COL24A1: variants seen among roughly 807,000 people sequenced by gnomAD.
COL24A1 encodes collagen alpha-1(XXIV) chain.
Under a neutral mutation model 253.9 loss-of-function variants are expected in COL24A1, and 224 were observed. The ratio of observed to expected loss-of-function variants is 0.88; its 90% CI spans 0.79 to 0.99. COL24A1 has a LOEUF of 0.99. Among genes scored for constraint, COL24A1 ranks in the 50% least tolerant of loss-of-function variants. The pLI is 0.00. For synonymous variants in COL24A1, 685 were observed against 673.7 expected (o/e 1.02, Z -0.26); for missense variants, 2,131 against 2,068.5 (o/e 1.03, Z -0.59).
chr1:85,966,377 T>A (rs573833728), intron 22 of COL24A1, among the ~76,000 whole-genome samples: 1 of 152,238 alleles, frequency 6.6e-6, no homozygotes, highest in East Asian at 1.9e-4. Context: ...AAGTCCAGAA[T>A]TTAACTGGAT....
chr1:85,842,020 G>T, intron 41 of COL24A1, 48 bp downstream of exon 41: 2 of 1,510,204 alleles, frequency 1.3e-6, no homozygotes, highest in South Asian at 2.3e-5. Context: ...AATAATTCAT[G>T]AACTCAATGT....
At position 86,156,490 on chromosome 1, in the gene COL24A1, A is replaced by G. The variant is rs1653641203; in HGVS notation, c.-94T>C. The G allele has an allele frequency of 2.6e-6, 3 of 1,141,634 alleles. No individual in the cohort carries two copies. In the African/African-American group the frequency reaches 4.8e-5, roughly 18 times the overall value. 70.7% of individuals were successfully genotyped at this position (1,141,634 alleles called of 1,614,324 possible). A position where few individuals can be genotyped will look rare whatever the true frequency, so the allele number is the denominator to read the frequency against. On this transcript the variant is annotated 5_prime_UTR_variant, in exon 1 of 60. Coordinates refer to ENST00000370571, the MANE Select transcript of COL24A1 (RefSeq NM_152890.7). The stretch of plus-strand genomic sequence containing the variant: ...GCAGGTACTGTCCATGAAAAAGGGA[A>G]AAAACAATCACATGAAAACCATGCT...
chr1:85,841,097 C>A, intron 42 of COL24A1, 125 bp downstream of exon 42: 1 of 664,966 alleles, frequency 1.5e-6, no homozygotes, highest in Non-Finnish European at 2.5e-6. Flanking sequence ...TATCACCCTC[C>A]TATCAAACCA....
At chr1:85,832,674 T>C (rs1030563766) in intron 43 of COL24A1, among the ~76,000 whole-genome samples, 1 of 151,272 alleles carries the variant, frequency 6.6e-6, no homozygotes, top group Admixed American at 6.6e-5. Flanking sequence ...AGGTATTTTA[T>C]TCTCTTTGAA....
rs183687254 is a variant in COL24A1, at chr1:85,908,838, T to A, written c.2671-187A>T. 6.7e-3 allele frequency among the ~76,000 whole-genome samples: 1,011 copies of A among 151,616 alleles called. 15 individuals are homozygous for A. Among genetic ancestry groups the A allele is most frequent in the African/African-American group, 0.023 (950 of 41,458 alleles). ...GATAGACCATAGAAATAAAAAAAAA[T>A]TTTCTGTAGTTTTATTTACATAGAA... On this transcript the variant is annotated intron_variant, in intron 26 of 59. Transcript: ENST00000370571.
At chr1:85,739,610 A>T (rs771436015) in intron 57 of COL24A1, among the ~76,000 whole-genome samples, 70 of 152,198 alleles carry the variant, frequency 4.6e-4, no homozygotes, top group Non-Finnish European at 7.3e-4. Flanking sequence ...ATCATTCATT[A>T]GTTCCTCCTG....
At chr1:86,083,797 T>G (rs769740645) in intron 7 of COL24A1, among the ~76,000 whole-genome samples, 8 of 152,194 alleles carry the variant, frequency 5.3e-5, no homozygotes, top group Non-Finnish European at 8.8e-5. Flanking sequence ...ACATTTTCAT[T>G]CATTCACTCA....
intron 7 of COL24A1, among the ~76,000 whole-genome samples, chr1:86,066,540 T>A (rs1237063846): frequency 6.6e-6 from 1 of 151,546 alleles, no homozygotes. Flanking sequence ...CACTGCGCCC[T>A]GCTAAAATAT....
intron 45 of COL24A1, among the ~76,000 whole-genome samples, chr1:85,818,800 A>G (rs1673303005): frequency 6.6e-6 from 1 of 152,216 alleles, no homozygotes; most frequent in African/African-American, 2.4e-5. Flanking sequence ...AAGAAAAGGA[A>G]TCATGTTGTC....
At chr1:85,831,684 G>A (rs1054466903) in intron 43 of COL24A1, among the ~76,000 whole-genome samples, 4 of 152,184 alleles carry the variant, frequency 2.6e-5, no homozygotes, top group East Asian at 1.9e-4. Context: ...GATTTTATAA[G>A]GGAAGTGATA....
intron 10 of COL24A1, among the ~76,000 whole-genome samples, chr1:86,052,996 G>T (rs910644435): frequency 4.5e-4 from 69 of 151,898 alleles, no homozygotes; most frequent in Admixed American, 4.5e-3. Context: ...GGGAGAGAGA[G>T]AATTTGTTCC....
At position 85,940,170 on chromosome 1, in the gene COL24A1, C is replaced by G. The variant is rs1325131485; in HGVS notation, c.2562+21079G>C. Among the ~76,000 whole-genome samples, 2 of 16,580 alleles carry G rather than the reference C, an allele frequency of 1.2e-4. 1 individual carries two copies. Among genetic ancestry groups the G allele is most frequent in the East Asian group, 9.3e-3 (2 of 216 alleles). 10.9% of individuals were successfully genotyped at this position (16,580 alleles called of 152,430 possible). A position where few individuals can be genotyped will look rare whatever the true frequency, so the allele number is the denominator to read the frequency against. On this transcript the variant is annotated intron_variant, in intron 24 of 59. Transcript: ENST00000370571. Reference sequence around the variant, plus strand: ...CTGTAATCCCAGCACTTTGGGAGGCCGAGGCGGGCGGATCACGAGGTCAGG... The same window carrying G: ...CTGTAATCCCAGCACTTTGGGAGGCGGAGGCGGGCGGATCACGAGGTCAGG...
At chr1:86,128,354 T>C (rs548109692) in intron 2 of COL24A1, among the ~76,000 whole-genome samples, 1 of 152,118 alleles carries the variant, frequency 6.6e-6, no homozygotes, top group African/African-American at 2.4e-5. Flanking sequence ...TCTAAAGGTA[T>C]GCCTAGCTCA....
chr1:86,093,276 T>TGCCA (rs1703639328), intron 5 of COL24A1, among the ~76,000 whole-genome samples: 1 of 152,066 alleles, frequency 6.6e-6, no homozygotes, highest in African/African-American at 2.4e-5. Flanking sequence ...GGCAGAGTCC[T>TGCCA]GTATTCTATA....
intron 32 of COL24A1, among the ~76,000 whole-genome samples, chr1:85,877,511 TG>T (rs145069831): frequency 0.036 from 5,488 of 152,124 alleles, 338 homozygotes; most frequent in African/African-American, 0.12. Context: ...TACAGGCAAT[TG>T]CCACCACGCA....
chr1:85,768,185 A>G (rs1384607587), intron 53 of COL24A1, among the ~76,000 whole-genome samples: 2 of 152,116 alleles, frequency 1.3e-5, no homozygotes, highest in Admixed American at 1.3e-4. Context: ...TAAGAATAGA[A>G]AGGAGGTTAG....
At chr1:85,761,195 C>G (rs1296895439) in intron 55 of COL24A1, among the ~76,000 whole-genome samples, 1 of 152,168 alleles carries the variant, frequency 6.6e-6, no homozygotes, top group African/African-American at 2.4e-5. Flanking sequence ...GCAGGAGATA[C>G]CATCTCCATT....
chr1:85,892,488 G>A (rs184400203), intron 31 of COL24A1, among the ~76,000 whole-genome samples: 1 of 152,082 alleles, frequency 6.6e-6, no homozygotes, highest in African/African-American at 2.4e-5. Context: ...ATAGGTTACA[G>A]GAAAATGACA....
chr1:85,872,912 T>C (rs1045156373), intron 35 of COL24A1, among the ~76,000 whole-genome samples: 1 of 152,090 alleles, frequency 6.6e-6, no homozygotes, highest in African/African-American at 2.4e-5. Context: ...ACCTACAGAA[T>C]GGGAGAAAAT....
Sources: gnomAD v4.1 joint callset for allele counts (sites outside exome capture counted in the v4.1 genomes callset) on GRCh38, gnomAD v4.1.1 for gene constraint, MANE v1.5 for transcripts, NCBI Gene and HGNC (gene_info 2026-07-23, HGNC 2026-07-21) for gene names.